The following DNAJC15 variants were observed in gnomAD, a reference collection of about 807,000 sequenced individuals.
DNAJC15 encodes the protein dnaJ homolog subfamily C member 15.
A neutral mutation model predicts 22.4 loss-of-function variants in DNAJC15; 27 were observed. The ratio of observed to expected loss-of-function variants is 1.20; its 90% CI spans 0.89 to 1.66. The LOEUF is 1.66. Ranked by LOEUF, DNAJC15 falls within the 40% of genes most tolerant of loss-of-function variation. The pLI is 0.00. For synonymous variants in DNAJC15, 79 were observed against 63.2 expected (o/e 1.25, Z -1.19); for missense variants, 208 against 187.1 (o/e 1.11, Z -0.65).
At chr13:43,032,502 A>G (rs951452765) in intron 1 of DNAJC15, among the ~76,000 whole-genome samples, 3 of 152,188 alleles carry the variant, frequency 2.0e-5, no homozygotes, top group Non-Finnish European at 4.4e-5. Context: ...ATGTCCTTGG[A>G]ATATCATTTC....
At position 43,109,271 on chromosome 13, in the gene DNAJC15, C is replaced by T. The variant is rs1046031398; in HGVS notation, c.*2023C>T. On this transcript the variant is annotated 3_prime_UTR_variant, in exon 6 of 6. Transcript: ENST00000379221. ...TCTTGGTGTAACATACCTTATTTCT[C>T]ATACTAAAATGCAAGAACCTTTAGA... 5.9e-5 allele frequency: 9 copies of T among 152,140 alleles called. No individual in the cohort carries two copies. Among genetic ancestry groups the T allele is most frequent in the African/African-American group, 2.2e-4 (9 of 41,432 alleles). 9.4% of individuals were successfully genotyped at this position (152,140 alleles called of 1,614,324 possible).
intron 1 of DNAJC15, among the ~76,000 whole-genome samples, chr13:43,038,018 A>G (rs2040436565): frequency 6.6e-6 from 1 of 152,136 alleles, no homozygotes; most frequent in Non-Finnish European, 1.5e-5. Flanking sequence ...CATATTTTAC[A>G]TGTGCCTTAA....
In DNAJC15 at chr13:43,085,858, T is replaced by G; in HGVS notation, c.382+20T>G. ...ATAAAGGTAGGTAGAATTCCTATTT[T>G]TCATAATATGTATATCAAAATATGC... On this transcript the variant is annotated intron_variant, in intron 5 of 5. Transcript: ENST00000379221. 6.3e-7 allele frequency: 1 copy of G among 1,596,880 alleles called. No homozygotes were observed. Among genetic ancestry groups the G allele is most frequent in the Non-Finnish European group, 8.6e-7 (1 of 1,165,642 alleles).
chr13:43,107,124 TA>T (rs2040800488), intron 5 of DNAJC15, 53 bp from the exon 6 acceptor site: 2 of 1,442,176 alleles, frequency 1.4e-6, no homozygotes, highest in Admixed American at 2.5e-5. Flanking sequence ...TTGGGGACTT[TA>T]AAGTATGTCA....
At chr13:43,038,100 GTGA>G (rs2040437023) in intron 1 of DNAJC15, among the ~76,000 whole-genome samples, 1 of 152,084 alleles carries the variant, frequency 6.6e-6, no homozygotes, top group Admixed American at 6.5e-5. Flanking sequence ...ATAAAACACA[GTGA>G]TGAATTTTCT....
chr13:43,062,677 A>G (rs1268613108), intron 1 of DNAJC15, among the ~76,000 whole-genome samples: 1 of 152,192 alleles, frequency 6.6e-6, no homozygotes, highest in African/African-American at 2.4e-5. Flanking sequence ...AAATGTTGCA[A>G]TACTTAATCT....
intron 1 of DNAJC15, among the ~76,000 whole-genome samples, chr13:43,045,518 G>T (rs753382744): frequency 5.2e-4 from 79 of 152,192 alleles, no homozygotes; most frequent in Admixed American, 2.2e-3. Flanking sequence ...ATGTGACGGG[G>T]TTTCATGCAC....
intron 1 of DNAJC15, among the ~76,000 whole-genome samples, chr13:43,061,854 A>T (rs1019624401): frequency 6.6e-6 from 1 of 152,254 alleles, no homozygotes; most frequent in Non-Finnish European, 1.5e-5. Context: ...AACTATAAGG[A>T]TAAAAAGCAA....
chr13:43,055,572 C>T (rs1566205636), intron 1 of DNAJC15, among the ~76,000 whole-genome samples: 1 of 152,224 alleles, frequency 6.6e-6, no homozygotes, highest in Non-Finnish European at 1.5e-5. Context: ...GAGGCTGCTT[C>T]AGTATCTCCC....
At position 43,107,084 on chromosome 13, in the gene DNAJC15, A is replaced by G. The variant is rs1052702629; in HGVS notation, c.383-94A>G. On this transcript the variant is annotated intron_variant, in intron 5 of 5. Transcript: ENST00000379221. ...ATTTGTCAGAGGATTAATGTGTGAGACAATATTCAAAAAAGAGTATTTTTA... is the reference window on the plus strand; with the variant it reads ...ATTTGTCAGAGGATTAATGTGTGAGGCAATATTCAAAAAAGAGTATTTTTA... 3 of 963,786 alleles carry G rather than the reference A, an allele frequency of 3.1e-6. No individual in the cohort carries two copies. The African/African-American group carries it at 5.2e-5, about 17-fold the overall frequency. The allele number at this position is 963,786 out of a possible 1,614,324, so 59.7% of individuals were successfully genotyped here.
intron 1 of DNAJC15, among the ~76,000 whole-genome samples, chr13:43,027,544 A>G (rs994806865): frequency 4.6e-5 from 7 of 152,258 alleles, no homozygotes; most frequent in African/African-American, 1.7e-4. Flanking sequence ...ATTTCCAAAA[A>G]TAAGACAGTA....
rs370819975 is a variant in DNAJC15 at position 43,072,688 on chromosome 13, T to G, written c.234+3685T>G. On this transcript the variant is annotated intron_variant, in intron 3 of 5. Coordinates refer to ENST00000379221, the MANE Select transcript of DNAJC15 (RefSeq NM_013238.3). ...AAGTGATTTTCCTACCTCAGCTTCC[T>G]AAGTAGTTGGGATTGCAGGCACTCG... 3.2e-4 allele frequency among the ~76,000 whole-genome samples: 48 copies of G among 152,100 alleles called. 2 individuals carry two copies. The South Asian group carries it at 8.9e-3, about 28-fold the overall frequency.
intron 1 of DNAJC15, among the ~76,000 whole-genome samples, chr13:43,055,177 T>G (rs2040524318): frequency 1.3e-5 from 2 of 151,504 alleles, no homozygotes; most frequent in African/African-American, 4.9e-5. Flanking sequence ...CCCTCTCAGA[T>G]AAGCAAAAGA....
intron 1 of DNAJC15, among the ~76,000 whole-genome samples, chr13:43,034,508 G>A (rs760573827): frequency 1.3e-5 from 2 of 151,516 alleles, no homozygotes; most frequent in Admixed American, 6.6e-5. Flanking sequence ...GTAGAGACGG[G>A]GTTTCCCCGT....
At chr13:43,104,173 A>T (rs888518207) in intron 5 of DNAJC15, among the ~76,000 whole-genome samples, 10 of 152,210 alleles carry the variant, frequency 6.6e-5, no homozygotes, top group African/African-American at 2.4e-4. Context: ...ATAAGCTCCA[A>T]AGGTTCCTTT....
chr13:43,037,630 G>A (rs1446733673), intron 1 of DNAJC15, among the ~76,000 whole-genome samples: 2 of 151,852 alleles, frequency 1.3e-5, no homozygotes, highest in East Asian at 3.9e-4. Context: ...TTTACCTCCT[G>A]ATTTTAAAAA....
At chr13:43,058,544 C>G (rs1190993647) in intron 1 of DNAJC15, among the ~76,000 whole-genome samples, 1 of 152,072 alleles carries the variant, frequency 6.6e-6, no homozygotes, top group Non-Finnish European at 1.5e-5. Flanking sequence ...TATAAGCCTC[C>G]CACTGAGAAA....
chr13:43,026,879 AAAATC>A (rs1428883627), intron 1 of DNAJC15, among the ~76,000 whole-genome samples: 1 of 152,208 alleles, frequency 6.6e-6, no homozygotes. Context: ...TTCTAAAAGA[AAAATC>A]AAAAAGAAAT....
chr13:43,060,609 C>CT (rs1340628176), intron 1 of DNAJC15, among the ~76,000 whole-genome samples: 1 of 152,154 alleles, frequency 6.6e-6, no homozygotes, highest in Non-Finnish European at 1.5e-5. Context: ...ACAGAGTCCT[C>CT]TTTAACAGTA....
Sources: allele counts gnomAD v4.1 joint callset (sites outside exome capture counted in the v4.1 genomes callset), GRCh38; gene constraint gnomAD v4.1.1; transcripts MANE v1.5; gene names NCBI Gene and HGNC (gene_info 2026-07-23, HGNC 2026-07-21).